The following PRICKLE1 variants were observed in gnomAD, a reference collection of about 807,000 sequenced individuals.
PRICKLE1 encodes prickle-like protein 1.
A neutral mutation model predicts 70.2 loss-of-function variants in PRICKLE1; 14 were observed. The observed-to-expected ratio is 0.20, with a 90% confidence interval of 0.13 to 0.31. The LOEUF is 0.31. Among genes scored for constraint, PRICKLE1 ranks in the 10% least tolerant of loss-of-function variants. PRICKLE1 has a pLI of 1.00. For synonymous variants in PRICKLE1, 357 were observed against 379.9 expected (o/e 0.94, Z 0.70); for missense variants, 821 against 1,026.2 (o/e 0.80, Z 2.73).
chr12:42,564,244 G>C (rs1376770905), intron 1 of PRICKLE1, among the ~76,000 whole-genome samples: 2 of 101,928 alleles, frequency 2.0e-5, no homozygotes, highest in African/African-American at 7.6e-5. Flanking sequence ...AACAGAGGGA[G>C]ACTCTGTCTA....
At chr12:42,463,457 T>C (rs925401653) in intron 7 of PRICKLE1, among the ~76,000 whole-genome samples, 9 of 151,474 alleles carry the variant, frequency 5.9e-5, no homozygotes, top group Non-Finnish European at 1.2e-4. Context: ...TGGTGGCTCA[T>C]GCCTATAATC....
rs201368761 is a variant in PRICKLE1, at chr12:42,458,773, GA to G, written c.*1035del. ...GAAAGGCACCCCCCGCAGGCAGGGG[GA>G]AAAAACCCACTCGCTGAAACAGCTT... On this transcript the variant is annotated 3_prime_UTR_variant, in exon 8 of 8. Coordinates refer to ENST00000345127, the MANE Select transcript of PRICKLE1 (RefSeq NM_153026.3). 9.0e-3 allele frequency: 1,369 copies of G among 152,340 alleles called. 10 individuals are homozygous for G. The highest frequency in any genetic ancestry group is 0.014 in the Non-Finnish European group (955 of 68,092). 9.4% of individuals were successfully genotyped at this position (152,340 alleles called of 1,614,324 possible).
intron 1 of PRICKLE1, among the ~76,000 whole-genome samples, chr12:42,489,214 C>T (rs1055968272): frequency 4.0e-5 from 6 of 151,700 alleles, no homozygotes; most frequent in East Asian, 2.0e-4. Context: ...TGAGCCACCA[C>T]GCCTGGCTGT....
At chr12:42,528,434 G>A (rs776934180) in intron 1 of PRICKLE1, among the ~76,000 whole-genome samples, 5 of 152,064 alleles carry the variant, frequency 3.3e-5, no homozygotes, top group Non-Finnish European at 5.9e-5. Flanking sequence ...AAATAAAATC[G>A]TGTTTAAGGA....
At chr12:42,560,930 T>C (rs976188385) in intron 1 of PRICKLE1, among the ~76,000 whole-genome samples, 1 of 152,170 alleles carries the variant, frequency 6.6e-6, no homozygotes, top group Non-Finnish European at 1.5e-5. Flanking sequence ...AGAACAAAAA[T>C]GTCTTACAGG....
Position 42,465,235 on chromosome 12 carries a change from A to C in PRICKLE1, c.799T>G (p.Tyr267Asp). ...HIGVDHAQMT[Y>D]DGQHWHATEA... Reference sequence around the variant, plus strand: ...GTGGCGTGCCAGTGCTGCCCGTCATAGGTCATCTGTGCATGGTCCACACCT... The same window carrying C: ...GTGGCGTGCCAGTGCTGCCCGTCATCGGTCATCTGTGCATGGTCCACACCT... The change falls in exon 7 of 8, where the codon TAT (tyrosine) becomes GAT (aspartate). Residue 267 changes from tyrosine (Y) to aspartate (D), a missense_variant. By Grantham distance (160) the Tyr-to-Asp change is radical (BLOSUM62 -3). Transcript: ENST00000345127. The C allele has an allele frequency of 1.2e-6, 2 of 1,614,126 alleles. No homozygotes were observed. Among genetic ancestry groups the C allele is most frequent in the Non-Finnish European group, 1.7e-6 (2 of 1,180,024 alleles).
At chr12:42,562,405 A>G (rs1317452475) in intron 1 of PRICKLE1, among the ~76,000 whole-genome samples, 3 of 152,230 alleles carry the variant, frequency 2.0e-5, no homozygotes, top group Non-Finnish European at 4.4e-5. Flanking sequence ...ATTTTTAAAA[A>G]GGCAGAGTTA....
chr12:42,494,948 G>A (rs1438740260), intron 1 of PRICKLE1, among the ~76,000 whole-genome samples: 1 of 147,828 alleles, frequency 6.8e-6, no homozygotes, highest in Non-Finnish European at 1.5e-5. Context: ...TGGCTAGAGT[G>A]CAGTAGCGCC....
Position 42,496,682 on chromosome 12 carries a change from T to TGG in PRICKLE1, c.-48-24119_-48-24118insCC, listed in dbSNP as rs1174613187. ...CAGCTTCTCCATCACCACTCGCTAC[T>TGG]TCACCTTGCACTTTCATGTTAGAGA... On this transcript the variant is annotated intron_variant, in intron 1 of 7. Transcript: ENST00000345127. 7.7e-4 allele frequency among the ~76,000 whole-genome samples: 117 copies of TGG among 152,336 alleles called. 1 individual carries two copies. The highest frequency in any genetic ancestry group is 2.7e-3 in the African/African-American group (114 of 41,548).
chr12:42,545,946 A>G (rs1940202975), intron 1 of PRICKLE1, among the ~76,000 whole-genome samples: 1 of 151,506 alleles, frequency 6.6e-6, no homozygotes, highest in Non-Finnish European at 1.5e-5. Context: ...TATTTGAATG[A>G]CTTAGTAAAA....
At chr12:42,468,194 G>T (rs988992603) in intron 5 of PRICKLE1, among the ~76,000 whole-genome samples, 2 of 152,104 alleles carry the variant, frequency 1.3e-5, no homozygotes, top group Non-Finnish European at 2.9e-5. Flanking sequence ...CACCTTCCCC[G>T]AGGGTAACTA....
chr12:42,465,059 A>G lies in PRICKLE1; in HGVS notation c.975T>C (p.Ala325=). 6.3e-7 allele frequency: 1 copy of G among 1,576,156 alleles called. No homozygotes were observed. Among genetic ancestry groups the G allele is most frequent in the Non-Finnish European group, 8.6e-7 (1 of 1,163,994 alleles). The change falls in exon 7 of 8, where the codon GCT becomes GCC. Residue 325 remains alanine, a synonymous_variant. Transcript: ENST00000345127. The stretch of plus-strand genomic sequence containing the variant: ...CACTTCTTCGGGAGTCTCTTGATCG[A>G]GCTGACTGAAATGCAGAGTCGGAAG... ...SDSSDSAFQS[A]RSRDSRRSVR... is the part of the protein sequence containing the mutation.
intron 1 of PRICKLE1, chr12:42,483,919 G>GATCCTCCTCTGCGGGGAGAA (rs1938908566): frequency 7.0e-6 from 1 of 142,038 alleles, no homozygotes. Context: ...GTCCTTCCAG[G>GATCCTCCTCTGCGGGGAGAA]ATCCTCCTCT....
At chr12:42,524,477 G>A (rs961272079) in intron 1 of PRICKLE1, among the ~76,000 whole-genome samples, 4 of 152,068 alleles carry the variant, frequency 2.6e-5, no homozygotes, top group Admixed American at 6.5e-5. Context: ...GCAGTGGCGC[G>A]ATCTTGGCTC....
At chr12:42,469,126 G>T (rs1159318630) in intron 4 of PRICKLE1, among the ~76,000 whole-genome samples, 1 of 152,108 alleles carries the variant, frequency 6.6e-6, no homozygotes, top group African/African-American at 2.4e-5. Context: ...TGCCAGCAAA[G>T]ATCTGAATGT....
chr12:42,478,836 A>G (rs958209696), intron 1 of PRICKLE1, among the ~76,000 whole-genome samples: 4 of 152,088 alleles, frequency 2.6e-5, no homozygotes, highest in Non-Finnish European at 5.9e-5. Context: ...TCTTCCTTCA[A>G]AATAGTTAAA....
In PRICKLE1 at chr12:42,577,614, G is replaced by A. The variant is rs557355730; in HGVS notation, c.-49+11851C>T. 2.6e-5 allele frequency among the ~76,000 whole-genome samples: 4 copies of A among 152,198 alleles called. No individual in the cohort carries two copies. In the South Asian group the frequency reaches 8.3e-4, roughly 32 times the overall value. Reference sequence around the variant, plus strand: ...AAGTTATGGCCTCCACATTTTTAGAGTCAAGTAAATTTTGAGCTTAAAAAA... The same window carrying A: ...AAGTTATGGCCTCCACATTTTTAGAATCAAGTAAATTTTGAGCTTAAAAAA... On this transcript the variant is annotated intron_variant, in intron 1 of 7. Coordinates refer to ENST00000345127, the MANE Select transcript of PRICKLE1 (RefSeq NM_153026.3).
Position 42,459,248 on chromosome 12 carries a change from T to C in PRICKLE1, c.*561A>G. 3.3e-6 allele frequency: 2 copies of C among 610,276 alleles called. No individual in the cohort carries two copies. Among genetic ancestry groups the C allele is most frequent in the Admixed American group, 2.5e-5 (1 of 40,000 alleles). The allele number at this position is 610,276 out of a possible 1,614,324, so 37.8% of individuals were successfully genotyped here. On this transcript the variant is annotated 3_prime_UTR_variant, in exon 8 of 8. Transcript: ENST00000345127. ...TGAAATACTAAGTTATAAATAGCAA[T>C]GTTTTTTGTTTTTTTTTTTCAATCT...
intron 1 of PRICKLE1, among the ~76,000 whole-genome samples, chr12:42,476,752 A>G (rs1938551880): frequency 6.6e-6 from 1 of 152,034 alleles, no homozygotes; most frequent in South Asian, 2.1e-4. Flanking sequence ...GGTCCAAACA[A>G]TCCTCCTACC....
Sources: allele counts gnomAD v4.1 joint callset (sites outside exome capture counted in the v4.1 genomes callset), GRCh38; gene constraint gnomAD v4.1.1; transcripts MANE v1.5; gene names NCBI Gene and HGNC (gene_info 2026-07-23, HGNC 2026-07-21).